ST7: variants seen among roughly 807,000 people sequenced by gnomAD.
ST7 encodes the protein suppressor of tumorigenicity 7 protein.
In ST7, 28 loss-of-function variants were observed where a neutral mutation model predicts 78.7. That is an observed-to-expected ratio of 0.36 (90% CI 0.26 to 0.49). The LOEUF (loss-of-function observed/expected upper bound fraction) is 0.49. ST7 is among the 20% of genes least tolerant of loss of function. The pLI, the probability that ST7 is intolerant of heterozygous loss-of-function variation, is 0.99. For synonymous variants in ST7, 247 were observed against 249.6 expected (o/e 0.99, Z 0.10); for missense variants, 418 against 696.0 (o/e 0.60, Z 4.49).
intron 2 of ST7, among the ~76,000 whole-genome samples, chr7:117,102,886 GA>G (rs1170461674): frequency 1.3e-5 from 2 of 151,960 alleles, no homozygotes; most frequent in Non-Finnish European, 2.9e-5. Flanking sequence ...AAAGTTGCAG[GA>G]TACAAAATCA....
chr7:117,226,553 T>C (rs1478078942), intron 15 of ST7, among the ~76,000 whole-genome samples: 1 of 152,202 alleles, frequency 6.6e-6, no homozygotes, highest in African/African-American at 2.4e-5. Context: ...TTTTCAAACA[T>C]GCGCAGAAAT....
rs199550306 is a variant in ST7, at chr7:117,208,902, G to T, written c.1255-885G>T. Among the ~76,000 whole-genome samples the T allele has an allele frequency of 1.4e-3, 201 of 139,892 alleles. 2 individuals are homozygous for T. The South Asian group carries it at 0.02, about 14-fold the overall frequency. 91.8% of individuals were successfully genotyped at this position (139,892 alleles called of 152,430 possible). A position where few individuals can be genotyped will look rare whatever the true frequency, so the allele number is the denominator to read the frequency against. On this transcript the variant is annotated intron_variant, in intron 12 of 15. Transcript: ENST00000323984. ...TGGTGGTGGGGTGGGTGTATGTGTG[G>T]GTGTGTGTGTGTGTGTGTGTGTGTG...
chr7:117,146,347 G>A (rs1482529974), intron 9 of ST7: 1 of 152,234 alleles, frequency 6.6e-6, no homozygotes, highest in Non-Finnish European at 1.5e-5. Context: ...CAACAGCAAA[G>A]GAATCTTGGG....
chr7:117,181,843 A>G (rs1048822115), intron 10 of ST7, among the ~76,000 whole-genome samples: 41 of 152,350 alleles, frequency 2.7e-4, no homozygotes, highest in African/African-American at 7.7e-4. Context: ...TGTTTATCTT[A>G]TTAGTGTAAA....
chr7:117,147,457 C>T (rs899754713), intron 9 of ST7, among the ~76,000 whole-genome samples: 1 of 151,944 alleles, frequency 6.6e-6, no homozygotes, highest in Admixed American at 6.6e-5. Context: ...GCTTCAAGCA[C>T]GTCTATATTT....
intron 1 of ST7, among the ~76,000 whole-genome samples, chr7:117,051,254 G>A (rs1348953536): frequency 6.6e-6 from 1 of 152,142 alleles, no homozygotes; most frequent in Non-Finnish European, 1.5e-5. Flanking sequence ...AAACAAATAG[G>A]CAACATATAT....
At chr7:116,996,981 C>T (rs1445093084) in intron 1 of ST7, among the ~76,000 whole-genome samples, 1 of 152,132 alleles carries the variant, frequency 6.6e-6, no homozygotes, top group Non-Finnish European at 1.5e-5. Context: ...GTCCGGAATT[C>T]GTGGGTTCTT....
At chr7:116,972,338 G>C (rs1793468992) in intron 1 of ST7, 2 of 607,234 alleles carry the variant, frequency 3.3e-6, no homozygotes, top group East Asian at 5.9e-5. Context: ...TTATCAGTAA[G>C]AATCTTGATC....
chr7:117,039,868 A>T (rs1415001661), intron 1 of ST7, among the ~76,000 whole-genome samples: 1 of 152,168 alleles, frequency 6.6e-6, no homozygotes. Context: ...TGTAGTCGCA[A>T]ATCAGACTCT....
intron 1 of ST7, among the ~76,000 whole-genome samples, chr7:117,058,431 T>C (rs949564341): frequency 1.3e-5 from 2 of 152,194 alleles, no homozygotes; most frequent in African/African-American, 2.4e-5. Context: ...CTGCTATATA[T>C]CTTTTCTATT....
At chr7:117,122,797 A>G (rs1039881187) in intron 3 of ST7, among the ~76,000 whole-genome samples, 21 of 152,212 alleles carry the variant, frequency 1.4e-4, no homozygotes, top group African/African-American at 4.6e-4. Flanking sequence ...CTGGAATAAT[A>G]CCATTGCTGT....
chr7:117,212,265 G>C (rs1792357964), intron 13 of ST7, among the ~76,000 whole-genome samples: 1 of 152,204 alleles, frequency 6.6e-6, no homozygotes. Context: ...GACAGAGGTG[G>C]CCATCTCAAT....
At chr7:117,033,392 T>C (rs1796704131) in intron 1 of ST7, among the ~76,000 whole-genome samples, 2 of 152,120 alleles carry the variant, frequency 1.3e-5, no homozygotes, top group South Asian at 4.1e-4. Flanking sequence ...CTGCTTTATA[T>C]TGATTTGTAT....
intron 10 of ST7, among the ~76,000 whole-genome samples, chr7:117,189,105 A>G (rs1340127968): frequency 1.3e-5 from 2 of 152,216 alleles, no homozygotes; most frequent in African/African-American, 4.8e-5. Context: ...AGCCTGTTGG[A>G]CATGAATTAT....
At chr7:117,168,194 C>T (rs2117252802) in intron 9 of ST7, among the ~76,000 whole-genome samples, 1 of 152,292 alleles carries the variant, frequency 6.6e-6, no homozygotes, top group Non-Finnish European at 1.5e-5. Flanking sequence ...GTCCAAGCTT[C>T]AAATGAAAGC....
chr7:117,199,612 A>C (rs115259536), intron 12 of ST7, among the ~76,000 whole-genome samples: 1 of 152,190 alleles, frequency 6.6e-6, no homozygotes, highest in East Asian at 1.9e-4. Flanking sequence ...AAGGTGTACA[A>C]TTCTGAAGCA....
chr7:117,098,622 T>A (rs1801310431), intron 1 of ST7: 1 of 316,346 alleles, frequency 3.2e-6, no homozygotes, highest in Non-Finnish European at 5.9e-6. Context: ...GAGAAAAATA[T>A]TTGTTGAATG....
intron 1 of ST7, chr7:117,073,719 T>C (rs1799141846): frequency 6.6e-6 from 1 of 152,210 alleles, no homozygotes; most frequent in Non-Finnish European, 1.5e-5. Flanking sequence ...AGGGTAGTTA[T>C]GAGAATTAAT....
chr7:117,141,859 T>G (rs1584456876), intron 9 of ST7, among the ~76,000 whole-genome samples: 1 of 151,780 alleles, frequency 6.6e-6, no homozygotes, highest in African/African-American at 2.4e-5. Context: ...TTGTAGAGAC[T>G]GGGTTTTGCT....
Sources: gnomAD v4.1 joint callset for allele counts (sites outside exome capture counted in the v4.1 genomes callset) on GRCh38, gnomAD v4.1.1 for gene constraint, MANE v1.5 for transcripts, NCBI Gene and HGNC (gene_info 2026-07-23, HGNC 2026-07-21) for gene names.